Variants in SMG1 observed in about 807,000 individuals in gnomAD.
The protein encoded by SMG1 is serine/threonine-protein kinase SMG1.
SMG1 carries 22 observed loss-of-function variants against 419.9 expected under a neutral mutation model. The ratio of observed to expected loss-of-function variants is 0.05; its 90% CI spans 0.04 to 0.07. The LOEUF is 0.07. Among genes scored for constraint, SMG1 ranks in the 10% least tolerant of loss-of-function variants. The pLI is 1.00. For missense variants in SMG1, 3,185 were observed against 4,342.0 expected, an observed-to-expected ratio of 0.73 and a Z score of 7.49; for synonymous variants, 1,538 against 1,553.5, an observed-to-expected ratio of 0.99 and a Z score of 0.23.
In SMG1 at chr16:18,834,191, T is replaced by C. The variant is rs768929543; in HGVS notation, c.8565+13A>G. 1.1e-5 allele frequency: 17 copies of C among 1,533,772 alleles called. No homozygotes were observed. The East Asian group carries it at 4.1e-4, about 37-fold the overall frequency. ...ATCTAAAACAAACTAATATTTAAAA[T>C]AAAAGTGTTCACCTGAAGTGAGGTA... On this transcript the variant is annotated intron_variant, in intron 50 of 62. Transcript: ENST00000446231.
In SMG1 at chr16:18,827,747, TA is replaced by T. The variant is rs1567325911; in HGVS notation, c.9741+283del. Among the ~76,000 whole-genome samples the T allele has an allele frequency of 2.8e-5, 4 of 145,408 alleles. No individual in the cohort carries two copies. In the South Asian group the frequency reaches 6.3e-4, roughly 23 times the overall value. On this transcript the variant is annotated intron_variant, in intron 55 of 62. Coordinates refer to ENST00000446231, the MANE Select transcript of SMG1 (RefSeq NM_015092.5). Reference sequence around the variant, plus strand: ...ATAAATATACCAAAATATATATTTTTATATATCTTTGGTATAAATATATCTA... The same window carrying T: ...ATAAATATACCAAAATATATATTTTTTATATCTTTGGTATAAATATATCTA...
chr16:18,910,290 G>C (rs1254096826), intron 1 of SMG1, among the ~76,000 whole-genome samples: 1 of 149,970 alleles, frequency 6.7e-6, no homozygotes, highest in Non-Finnish European at 1.5e-5. Context: ...GAGTGCAGTG[G>C]TGTGATCTTG....
chr16:18,874,866 CAAAAAAAAAAAAAAAAAAAA>C (rs148468415), intron 13 of SMG1, among the ~76,000 whole-genome samples: 45 of 49,650 alleles, frequency 9.1e-4, no homozygotes, highest in Admixed American at 1.7e-3. Flanking sequence ...GACTCTGTCT[CAAAAAAAAAAAAAAAAAAAA>C]AAAAAAAAAA....
rs2030982709 is a variant in SMG1, at chr16:18,807,823, A to G, written c.*1746T>C. 1.3e-5 allele frequency: 2 copies of G among 152,134 alleles called. No individual in the cohort carries two copies. Among genetic ancestry groups the G allele is most frequent in the African/African-American group, 4.8e-5 (2 of 41,428 alleles). The allele number at this position is 152,134 out of a possible 1,614,324, so 9.4% of individuals were successfully genotyped here. A position where few individuals can be genotyped will look rare whatever the true frequency, so the allele number is the denominator to read the frequency against. On this transcript the variant is annotated 3_prime_UTR_variant, in exon 63 of 63. Transcript: ENST00000446231. ...TGCCCAGGCTGGAGTGCAGTGGCAC[A>G]ATCTCGGCTCACTGCAAGCTCCGCC...
At chr16:18,925,906 C>A in intron 1 of SMG1, 44 bp downstream of exon 1, 4 of 1,440,734 alleles carry the variant, frequency 2.8e-6, no homozygotes, top group Non-Finnish European at 3.7e-6. Flanking sequence ...CCGCCCGAGG[C>A]GGAGCCCGGG....
intron 1 of SMG1, among the ~76,000 whole-genome samples, chr16:18,907,879 C>CTTCAG (rs2037633225): frequency 6.8e-6 from 1 of 146,090 alleles, no homozygotes; most frequent in Non-Finnish European, 1.5e-5. Flanking sequence ...AGAGACCCTA[C>CTTCAG]TTCAGCTCTC....
chr16:18,820,574 T>G (rs1420886737), intron 55 of SMG1, among the ~76,000 whole-genome samples: 2 of 152,196 alleles, frequency 1.3e-5, no homozygotes, highest in Admixed American at 6.5e-5. Context: ...ACAAAGTTAT[T>G]TGATTATTTA....
intron 42 of SMG1, among the ~76,000 whole-genome samples, chr16:18,839,170 T>C (rs1323131113): frequency 2.0e-5 from 3 of 152,098 alleles, no homozygotes; most frequent in Non-Finnish European, 4.4e-5. Context: ...AATTTAAATA[T>C]TGATTTTATT....
At chr16:18,883,204 A>G (rs1218076565) in intron 9 of SMG1, among the ~76,000 whole-genome samples, 1 of 150,340 alleles carries the variant, frequency 6.7e-6, no homozygotes, top group South Asian at 2.1e-4. Flanking sequence ...GGAGAAACAC[A>G]AAGAGATTCA....
intron 55 of SMG1, among the ~76,000 whole-genome samples, chr16:18,821,589 A>C (rs1195856157): frequency 8.4e-4 from 1 of 1,190 alleles, no homozygotes; most frequent in African/African-American, 3.4e-3. Flanking sequence ...TGAACTCATC[A>C]TTTTTTATGG....
chr16:18,832,807 G>T, intron 51 of SMG1, 133 bp downstream of exon 51: 2 of 754,960 alleles, frequency 2.6e-6, no homozygotes, highest in Non-Finnish European at 4.5e-6. Flanking sequence ...AAAAAGATAC[G>T]TGTATGAGCA....
chr16:18,887,616 A>G (rs1481853032), intron 6 of SMG1, among the ~76,000 whole-genome samples: 2 of 129,716 alleles, frequency 1.5e-5, no homozygotes, highest in African/African-American at 5.9e-5. Flanking sequence ...AGCCTCCCAC[A>G]GTGCTGGGGT....
intron 49 of SMG1, 139 bp from the exon 50 acceptor site, chr16:18,834,577 G>A (rs1212007702): frequency 1.3e-6 from 1 of 781,060 alleles, no homozygotes; most frequent in Non-Finnish European, 2.0e-6. Context: ...AGGAGTTCGA[G>A]ACCAGCCTGA....
At chr16:18,812,617 CACAT>C (rs2031547246) in intron 60 of SMG1, among the ~76,000 whole-genome samples, 3 of 147,162 alleles carry the variant, frequency 2.0e-5, no homozygotes, top group South Asian at 2.2e-4. Flanking sequence ...TATACATACA[CACAT>C]ATATATACAC....
chr16:18,820,247 A>G (rs2032401757), intron 55 of SMG1, among the ~76,000 whole-genome samples: 1 of 152,034 alleles, frequency 6.6e-6, no homozygotes, highest in Admixed American at 6.6e-5. Context: ...TACAGGTGTG[A>G]GCCAGCACGC....
Position 18,819,644 on chromosome 16 carries a change from G to A in SMG1, c.9752C>T (p.Ala3251Val), listed in dbSNP as rs2032337357. 1 of 1,569,254 alleles carries A rather than the reference G, an allele frequency of 6.4e-7. No homozygotes were observed. Among genetic ancestry groups the A allele is most frequent in the Non-Finnish European group, 8.6e-7 (1 of 1,157,678 alleles). ...CTGTTCAATACTTGATTCAAGTGCA[G>A]CTAGCTTCTCCTATAAAAGCCAGCA... ...TSIATVQEKL[A>V]ALESSIEQRL... is the part of the protein sequence containing the mutation. Residue 3251 changes from alanine to valine, a missense_variant, in exon 56 of 63, where the codon GCT becomes GTT. Around this residue, in one of 27 missense-constraint regions of SMG1, gnomAD observed 737 missense variants for 846.6 expected, o/e 0.87. Transcript: ENST00000446231.
rs1295308034 is a variant in SMG1 at position 18,835,933 on chromosome 16, T to C, written c.8057A>G (p.Lys2686Arg). 6.4e-7 allele frequency: 1 copy of C among 1,551,596 alleles called. No individual in the cohort carries two copies. Among genetic ancestry groups the C allele is most frequent in the Non-Finnish European group, 8.7e-7 (1 of 1,146,574 alleles). The change falls in exon 48 of 63, where the codon AAA becomes AGA. Residue 2686 changes from lysine (K) to arginine (R), a missense_variant and splice_region_variant. Physicochemically the swap from Lys to Arg is conservative, Grantham distance 26 (BLOSUM62 2). Around this residue, in one of 27 missense-constraint regions of SMG1, gnomAD observed 412 missense variants for 546.6 expected, o/e 0.75. Transcript: ENST00000446231. ...AGAAAATTAAGCACTATCAACTTACTTCCTATAGAGCTCTTGACAACGCTC... is the reference window on the plus strand; with the variant it reads ...AGAAAATTAAGCACTATCAACTTACCTCCTATAGAGCTCTTGACAACGCTC... ...TVERCQELYR[K>R]YEMQYAPQPP...
rs1426836279 is a variant in SMG1 at position 18,807,847 on chromosome 16, C to T, written c.*1722G>A. 2.0e-5 allele frequency: 3 copies of T among 152,186 alleles called. No homozygotes were observed. The highest frequency in any genetic ancestry group is 4.4e-5 in the Non-Finnish European group (3 of 68,050). 9.4% of individuals were successfully genotyped at this position (152,186 alleles called of 1,614,324 possible). A position where few individuals can be genotyped will look rare whatever the true frequency, so the allele number is the denominator to read the frequency against. ...CAATCTCGGCTCACTGCAAGCTCCG[C>T]CTCCTGGGTTCACGCCATTCTCCTG... On this transcript the variant is annotated 3_prime_UTR_variant, in exon 63 of 63. Coordinates refer to ENST00000446231, the MANE Select transcript of SMG1 (RefSeq NM_015092.5).
chr16:18,876,385 A>T lies in SMG1; in HGVS notation c.1629T>A (p.Ala543=). The T allele has an allele frequency of 6.2e-7, 1 of 1,606,106 alleles. No individual in the cohort carries two copies. The highest frequency in any genetic ancestry group is 8.5e-7 in the Non-Finnish European group (1 of 1,176,618). The change falls in exon 13 of 63, where the codon GCT becomes GCA. Residue 543 remains alanine, a synonymous_variant. Coordinates refer to ENST00000446231, the MANE Select transcript of SMG1 (RefSeq NM_015092.5). The part of the protein sequence containing the change: ...LRYHKEKEVV[A]VAHAVYQAVL... ...CTGCTTGATAAACAGCATGGGCTAC[A>T]GCAACAACCTGAAAAACAAAAAATT...
Sources: gnomAD v4.1 joint callset for allele counts (sites outside exome capture counted in the v4.1 genomes callset) on GRCh38, gnomAD v4.1.1 for gene constraint, gnomAD v4.1.1 regional missense constraint, MANE v1.5 for transcripts, NCBI Gene and HGNC (gene_info 2026-07-23, HGNC 2026-07-21) for gene names.